The following CERS4 variants were observed in gnomAD, a reference collection of about 807,000 sequenced individuals.
CERS4 encodes the protein LAG1 homolog, ceramide synthase 4.
A neutral mutation model predicts 51.8 loss-of-function variants in CERS4; 65 were observed. That is an observed-to-expected ratio of 1.26 (90% CI 1.03 to 1.54). The LOEUF (loss-of-function observed/expected upper bound fraction) is 1.54, where lower values mean the gene tolerates loss of function less well. CERS4 is among the 40% of genes most tolerant of loss of function. CERS4 has a pLI of 0.00. For missense variants in CERS4, 563 were observed against 500.4 expected (o/e 1.13, Z -1.19); for synonymous variants, 228 against 208.4 (o/e 1.09, Z -0.81).
At chr19:8,249,586 G>GTTTTTTT (rs1568528022) in intron 2 of CERS4, among the ~76,000 whole-genome samples, 1 of 57,938 alleles carries the variant, frequency 1.7e-5, no homozygotes, top group Non-Finnish European at 3.4e-5. Flanking sequence ...AGGAACTCTG[G>GTTTTTTT]ATTTTTTTTT....
chr19:8,256,098 G>A (rs1473162908), intron 6 of CERS4, 138 bp from the exon 7 acceptor site: 6 of 1,035,390 alleles, frequency 5.8e-6, no homozygotes, highest in African/African-American at 4.8e-5. Context: ...CCCCAGTCGA[G>A]AGTGAGAAGC....
chr19:8,227,610 C>T (rs974921823), intron 2 of CERS4, among the ~76,000 whole-genome samples: 6 of 151,576 alleles, frequency 4.0e-5, no homozygotes, highest in African/African-American at 1.5e-4. Flanking sequence ...CCAAAGTGCT[C>T]GGCTTACAGG....
At position 8,217,433 on chromosome 19, in the gene CERS4, A is replaced by G. The variant is rs373070996; in HGVS notation, c.-2+6571A>G. Among the ~76,000 whole-genome samples the G allele has an allele frequency of 1.5e-3, 233 of 152,044 alleles. 1 individual carries two copies. The highest frequency in any genetic ancestry group is 5.2e-3 in the African/African-American group (217 of 41,470). On this transcript the variant is annotated intron_variant, in intron 2 of 11. Transcript: ENST00000251363. The stretch of plus-strand genomic sequence containing the variant: ...GCTCAGGCTGGAGTGCAGTGGCGCA[A>G]TCTCGGTTCACTGCAATCTCCGCCT...
chr19:8,227,126 C>CA (rs1006014675), intron 2 of CERS4, among the ~76,000 whole-genome samples: 14 of 151,442 alleles, frequency 9.2e-5, no homozygotes, highest in East Asian at 5.8e-4. Context: ...GAAACTGTCT[C>CA]AAAAAAAAGA....
chr19:8,258,127 CAGGCACAGGGCACGGCATATGCAA>C (rs1331222126), intron 10 of CERS4, 142 bp downstream of exon 10: 2 of 715,122 alleles, frequency 2.8e-6, no homozygotes, highest in Admixed American at 4.2e-5. Context: ...AAGGGTGTGC[CAGGCACAGGGCACGGCATATGCAA>C]AGGCGCAGAG....
At position 8,210,272 on chromosome 19, in the gene CERS4, C is replaced by A. The variant is rs1006945052; in HGVS notation, c.-158-434C>A. The stretch of plus-strand genomic sequence containing the variant: ...AGAGATGGGGATACTTGGAAGGGGG[C>A]TTCTGGCTTGACCTGGCTGGAAGGT... On this transcript the variant is annotated intron_variant, in intron 1 of 11. Transcript: ENST00000251363. This position sits in a 1 kb window ranked among gnomAD's most constrained non-coding sequence, Gnocchi z 4.2. Among the ~76,000 whole-genome samples, 2 of 152,082 alleles carry A rather than the reference C, an allele frequency of 1.3e-5. No individual in the cohort carries two copies. The highest frequency in any genetic ancestry group is 2.9e-5 in the Non-Finnish European group (2 of 67,994).
chr19:8,261,387 A>G, intron 10 of CERS4: 1 of 393,148 alleles, frequency 2.5e-6, no homozygotes, highest in Non-Finnish European at 4.7e-6. Context: ...TCTGAGGAGT[A>G]GAGAGAAGCT....
chr19:8,243,716 T>A (rs944097108), intron 2 of CERS4, among the ~76,000 whole-genome samples: 5 of 151,532 alleles, frequency 3.3e-5, no homozygotes, highest in Admixed American at 2.0e-4. Context: ...ATTCCATCCA[T>A]CTTCATGGAT....
chr19:8,239,199 C>T (rs1050806646), intron 2 of CERS4, among the ~76,000 whole-genome samples: 3 of 151,730 alleles, frequency 2.0e-5, no homozygotes, highest in Admixed American at 6.6e-5. Context: ...GTCAAGAGTT[C>T]GAAACCAGCC....
chr19:8,225,723 C>T (rs1599526998), intron 2 of CERS4, among the ~76,000 whole-genome samples: 2 of 151,934 alleles, frequency 1.3e-5, no homozygotes, highest in East Asian at 3.9e-4. Context: ...CGTACCCGGC[C>T]GTGTTTTCTG....
At chr19:8,226,767 C>T (rs1395632876) in intron 2 of CERS4, among the ~76,000 whole-genome samples, 9 of 151,902 alleles carry the variant, frequency 5.9e-5, no homozygotes, top group Non-Finnish European at 1.3e-4. Context: ...CTGAGGCAGG[C>T]GGATTGCCTG....
At position 8,251,080 on chromosome 19, in the gene CERS4, C is replaced by G; in HGVS notation, c.4C>G (p.Leu2Val). 6.3e-7 allele frequency: 1 copy of G among 1,596,620 alleles called. No individual in the cohort carries two copies. Among genetic ancestry groups the G allele is most frequent in the East Asian group, 2.3e-5 (1 of 43,560 alleles). ...AACTGGAACCTGTGTCCACAGAATG[C>G]TGTCCAGTTTCAACGAGTGGTTTTG... M[L>V]SSFNEWFWQD... Residue 2 changes from leucine (L) to valine (V), a missense_variant, in exon 3 of 12, where the codon CTG becomes GTG. Physicochemically the swap from Leu to Val is conservative, Grantham distance 32. Transcript: ENST00000251363.
chr19:8,238,097 T>C (rs943835961), intron 2 of CERS4, among the ~76,000 whole-genome samples: 65 of 151,936 alleles, frequency 4.3e-4, no homozygotes, highest in South Asian at 8.3e-4. Context: ...GCTCATTTTT[T>C]CCCTCCAACC....
At chr19:8,236,295 A>C (rs1476543212) in intron 2 of CERS4, among the ~76,000 whole-genome samples, 5 of 152,204 alleles carry the variant, frequency 3.3e-5, no homozygotes, top group African/African-American at 1.2e-4. Context: ...CAAATCGAGA[A>C]AGACGTTTCC....
chr19:8,218,406 C>CAA (rs1967393389), intron 2 of CERS4, among the ~76,000 whole-genome samples: 1 of 152,198 alleles, frequency 6.6e-6, no homozygotes, highest in South Asian at 2.1e-4. Flanking sequence ...GCGGCCCAGG[C>CAA]AAAGGCCTGG....
intron 10 of CERS4, among the ~76,000 whole-genome samples, chr19:8,260,254 G>T (rs183632105): frequency 6.6e-6 from 1 of 152,088 alleles, no homozygotes; most frequent in Admixed American, 6.6e-5. Context: ...GAGTGCAATG[G>T]CGTGATCTCA....
chr19:8,262,289 T>C lies in CERS4; in HGVS notation c.*180T>C. 1.8e-6 allele frequency: 1 copy of C among 562,322 alleles called. No individual in the cohort carries two copies. Among genetic ancestry groups the C allele is most frequent in the African/African-American group, 1.9e-5 (1 of 51,856 alleles). The allele number at this position is 562,322 out of a possible 1,614,324, so 34.8% of individuals were successfully genotyped here. A position where few individuals can be genotyped will look rare whatever the true frequency, so the allele number is the denominator to read the frequency against. ...CTTCTGCCCACCCACCCTTCTTCCC[T>C]CTGGGCAACTGGACAGATCTGGGAG... On this transcript the variant is annotated 3_prime_UTR_variant, in exon 12 of 12. Transcript: ENST00000251363.
chr19:8,255,772 T>TGGGGCGGGGC (rs71786313), intron 5 of CERS4, 47 bp downstream of exon 5: 2 of 1,259,598 alleles, frequency 1.6e-6, no homozygotes, highest in Admixed American at 1.8e-5. Context: ...CGGGCCGGGG[T>TGGGGCGGGGC]GGGGCGGGGC....
Position 8,256,830 on chromosome 19 carries a change from A to G in CERS4, c.613-119A>G, listed in dbSNP as rs952419722. ...CCCTGGTGCCTCCTGCAGGAGATAT[A>G]GAGGCCATGGGCCCAGAGGCCACAC... On this transcript the variant is annotated intron_variant, in intron 8 of 11. Transcript: ENST00000251363. The G allele has an allele frequency of 2.0e-5, 31 of 1,581,684 alleles. No individual in the cohort carries two copies. In the African/African-American group the frequency reaches 3.9e-4, roughly 20 times the overall value.
Sources: allele counts gnomAD v4.1 joint callset (sites outside exome capture counted in the v4.1 genomes callset), GRCh38; gene constraint gnomAD v4.1.1; non-coding constraint Gnocchi (gnomAD v3.1); transcripts MANE v1.5; gene names NCBI Gene and HGNC (gene_info 2026-07-23, HGNC 2026-07-21).